The following RANBP2 variants were observed in gnomAD, a reference collection of about 807,000 sequenced individuals.
RANBP2 encodes the protein E3 SUMO-protein ligase RanBP2.
RANBP2 carries 57 observed loss-of-function variants against 303.6 expected under a neutral mutation model. The observed-to-expected ratio is 0.19, with a 90% confidence interval of 0.15 to 0.23. The LOEUF (loss-of-function observed/expected upper bound fraction) is 0.23, where lower values mean the gene tolerates loss of function less well. RANBP2 is among the 10% of genes least tolerant of loss of function. RANBP2 has a pLI of 1.00. For synonymous variants in RANBP2, 1,167 were observed against 1,301.5 expected (o/e 0.90, Z 2.23); for missense variants, 3,138 against 3,780.8 (o/e 0.83, Z 4.46).
the RANBP2 span, among the ~76,000 whole-genome samples, chr2:109,345,983 C>T: frequency 6.6e-6 from 1 of 152,238 alleles, no homozygotes; most frequent in African/African-American, 2.4e-5. Context: ...GATTCCCTGG[C>T]TGGCGGCTGA....
chr2:108,802,959 C>T, the RANBP2 span, among the ~76,000 whole-genome samples: 10 of 152,298 alleles, frequency 6.6e-5, no homozygotes, highest in African/African-American at 2.4e-4. Context: ...TTGAACCAGC[C>T]TTGCATCCCA....
chr2:108,777,311 TATAACTAAG>T (rs1677958430), intron 25 of RANBP2, 80 bp downstream of exon 25: 93 of 1,250,654 alleles, frequency 7.4e-5, no homozygotes, highest in Middle Eastern at 1.9e-4. Context: ...TGTTGCAGTA[TATAACTAAG>T]TTAGAAGTTT....
At chr2:108,744,485 C>G (rs1404044067) in intron 7 of RANBP2, among the ~76,000 whole-genome samples, 10 of 151,568 alleles carry the variant, frequency 6.6e-5, no homozygotes, top group Non-Finnish European at 1.3e-4. Flanking sequence ...ACAGATTCAA[C>G]TGTTGAATAA....
chr2:109,614,868 C>G, the RANBP2 span: 93 of 1,420,640 alleles, frequency 6.5e-5, 1 homozygote, highest in Admixed American at 2.6e-3. Context: ...CCCGGAGTCG[C>G]TCCCTGGACA....
At chr2:109,520,325 A>G in the RANBP2 span, among the ~76,000 whole-genome samples, 26,512 of 151,966 alleles carry the variant, frequency 0.17, 4,705 homozygotes, top group African/African-American at 0.43. Flanking sequence ...GATGTTGGCC[A>G]GGCGCGGTGG....
the RANBP2 span, among the ~76,000 whole-genome samples, chr2:109,629,302 GATATATATATATATATATATATAT>G: frequency 9.3e-3 from 724 of 77,618 alleles, 39 homozygotes; most frequent in African/African-American, 0.037. Context: ...CTGGCCTAAA[GATATATATATATATATATATATAT>G]ATATATATAT....
chr2:109,317,732 AG>A, the RANBP2 span, among the ~76,000 whole-genome samples: 1 of 152,154 alleles, frequency 6.6e-6, no homozygotes, highest in East Asian at 1.9e-4. Context: ...GTGGAGTGCG[AG>A]GGTGCCTCCC....
In RANBP2 at chr2:108,745,940, T is replaced by A. The variant is rs1223143771; in HGVS notation, c.976-771T>A. Among the ~76,000 whole-genome samples, 345 of 150,016 alleles carry A rather than the reference T, an allele frequency of 2.3e-3. 2 individuals are homozygous for A. The highest frequency in any genetic ancestry group is 3.1e-3 in the Non-Finnish European group (209 of 67,660). ...TCTTTTTTTGGAGATAGGGTCTCAC[T>A]CTGTCGCCCAAGCTGGAGCACAGTG... On this transcript the variant is annotated intron_variant, in intron 7 of 28. Coordinates refer to ENST00000283195, the MANE Select transcript of RANBP2 (RefSeq NM_006267.5).
At chr2:109,173,854 A>C in the RANBP2 span, among the ~76,000 whole-genome samples, 1 of 152,226 alleles carries the variant, frequency 6.6e-6, no homozygotes, top group Non-Finnish European at 1.5e-5. Flanking sequence ...TTGGATGTTC[A>C]GACTCAGCTC....
At chr2:109,031,731 C>A in the RANBP2 span, among the ~76,000 whole-genome samples, 1 of 152,202 alleles carries the variant, frequency 6.6e-6, no homozygotes, top group Non-Finnish European at 1.5e-5. Context: ...GCGCTGCGGG[C>A]GCCGGCGAGA....
At chr2:108,844,834 G>A in the RANBP2 span, among the ~76,000 whole-genome samples, 4 of 148,290 alleles carry the variant, frequency 2.7e-5, no homozygotes, top group Admixed American at 1.4e-4. Context: ...TGCAACCTCC[G>A]ACTCCCAGGT....
At chr2:109,697,357 TGCCTGTAATCCCA>T in the RANBP2 span, among the ~76,000 whole-genome samples, 1 of 152,120 alleles carries the variant, frequency 6.6e-6, no homozygotes, top group South Asian at 2.1e-4. Context: ...TGGTGGCACA[TGCCTGTAATCCCA>T]GCTACTTGGC....
At chr2:109,119,080 G>C in the RANBP2 span, among the ~76,000 whole-genome samples, 1 of 152,236 alleles carries the variant, frequency 6.6e-6, no homozygotes, top group African/African-American at 2.4e-5. Flanking sequence ...ATGAGGCTCT[G>C]ACCTGGCTTT....
the RANBP2 span, among the ~76,000 whole-genome samples, chr2:109,279,582 G>A: frequency 6.6e-6 from 1 of 152,146 alleles, no homozygotes; most frequent in East Asian, 1.9e-4. Context: ...TTGCCTAGTG[G>A]GTGGGATTTC....
chr2:109,631,214 C>CA, the RANBP2 span, among the ~76,000 whole-genome samples: 1 of 152,132 alleles, frequency 6.6e-6, no homozygotes, highest in Non-Finnish European at 1.5e-5. Context: ...GATGTCATCT[C>CA]ATTCAGCTCC....
At chr2:109,117,469 T>G in the RANBP2 span, among the ~76,000 whole-genome samples, 1 of 152,116 alleles carries the variant, frequency 6.6e-6, no homozygotes, top group Non-Finnish European at 1.5e-5. Flanking sequence ...TGGTGTGCCG[T>G]TTTTTAAGCC....
At chr2:109,589,617 T>C in the RANBP2 span, among the ~76,000 whole-genome samples, 1 of 152,128 alleles carries the variant, frequency 6.6e-6, no homozygotes, top group Non-Finnish European at 1.5e-5. Flanking sequence ...ACATGTCAAG[T>C]GTTGGAGATA....
the RANBP2 span, among the ~76,000 whole-genome samples, chr2:109,178,815 A>G: frequency 6.6e-6 from 1 of 152,172 alleles, no homozygotes; most frequent in East Asian, 1.9e-4. Context: ...TGAGCAAAAT[A>G]ATTGTGTTAC....
the RANBP2 span, among the ~76,000 whole-genome samples, chr2:109,441,585 T>G: frequency 6.6e-6 from 1 of 152,226 alleles, no homozygotes; most frequent in African/African-American, 2.4e-5. Context: ...ATACGTGTAA[T>G]TGGAGGTCTC....
Sources: gnomAD v4.1 joint callset for allele counts (sites outside exome capture counted in the v4.1 genomes callset) on GRCh38, gnomAD v4.1.1 for gene constraint, MANE v1.5 for transcripts, NCBI Gene and HGNC (gene_info 2026-07-23, HGNC 2026-07-21) for gene names.